ADAMTS17: variants seen among roughly 807,000 people sequenced by gnomAD.
The protein encoded by ADAMTS17 is A disintegrin and metalloproteinase with thrombospondin motifs 17.
In ADAMTS17, 113 loss-of-function variants were observed where a neutral mutation model predicts 141.5. The observed-to-expected ratio is 0.80, with a 90% CI of 0.69 to 0.93. The LOEUF is 0.93. Among genes scored for constraint, ADAMTS17 ranks in the 40% least tolerant of loss-of-function variants. The pLI, the probability that ADAMTS17 is intolerant of heterozygous loss-of-function variation, is 0.00. For synonymous variants in ADAMTS17, 768 were observed against 630.6 expected (o/e 1.22, Z -3.27); for missense variants, 1,659 against 1,517.9 (o/e 1.09, Z -1.54).
chr15:100,056,929 T>G (rs8033828), intron 15 of ADAMTS17, among the ~76,000 whole-genome samples: 1 of 151,834 alleles, frequency 6.6e-6, no homozygotes, highest in Non-Finnish European at 1.5e-5. Context: ...CTCCGGGGCC[T>G]GGGAATGTTG....
In ADAMTS17 at chr15:100,197,475, C is replaced by A. The variant is rs927448679; in HGVS notation, c.1181+1843G>T. Among the ~76,000 whole-genome samples, 4 of 151,290 alleles carry A rather than the reference C, an allele frequency of 2.6e-5. No homozygotes were observed. The South Asian group carries it at 8.3e-4, about 31-fold the overall frequency. On this transcript the variant is annotated intron_variant, in intron 8 of 21. Coordinates refer to ENST00000268070, the MANE Select transcript of ADAMTS17 (RefSeq NM_139057.4). ...ACCCATTCTGATTTATGCTTTTTTT[C>A]CCCAGCAAATCACTCTTGGATACAG...
At position 99,974,109 on chromosome 15, in the gene ADAMTS17, C is replaced by A. The variant is rs886050969; in HGVS notation, c.*293G>T. 4.1e-6 allele frequency: 2 copies of A among 490,656 alleles called. No individual in the cohort carries two copies. Among genetic ancestry groups the A allele is most frequent in the Non-Finnish European group, 7.5e-6 (2 of 267,882 alleles). The allele number at this position is 490,656 out of a possible 1,614,324, so 30.4% of individuals were successfully genotyped here. A position where few individuals can be genotyped will look rare whatever the true frequency, so the allele number is the denominator to read the frequency against. On this transcript the variant is annotated 3_prime_UTR_variant, in exon 22 of 22. Transcript: ENST00000268070. ...CAAGAACACTAAATGATGTCTCTCT[C>A]TTGACGGTTGTCTGCCAGAGGTGCT...
intron 4 of ADAMTS17, among the ~76,000 whole-genome samples, chr15:100,271,297 TTC>T (rs1420390588): frequency 1.1e-4 from 16 of 152,214 alleles, no homozygotes; most frequent in Non-Finnish European, 1.8e-4. Context: ...CATATGGTAA[TTC>T]TGTTTCATTG....
chr15:100,057,491 G>A (rs1016365224), intron 15 of ADAMTS17, among the ~76,000 whole-genome samples: 5 of 152,154 alleles, frequency 3.3e-5, no homozygotes, highest in Non-Finnish European at 5.9e-5. Flanking sequence ...TCCACACCCT[G>A]CCAGTGACAG....
At chr15:100,269,459 AC>A (rs1427145852) in intron 4 of ADAMTS17, among the ~76,000 whole-genome samples, 1 of 152,176 alleles carries the variant, frequency 6.6e-6, no homozygotes, top group Non-Finnish European at 1.5e-5. Context: ...TTTAATTTTT[AC>A]TTTTTTAGGG....
chr15:100,144,776 G>C (rs1380934231), intron 10 of ADAMTS17, among the ~76,000 whole-genome samples: 2 of 148,564 alleles, frequency 1.3e-5, no homozygotes, highest in Non-Finnish European at 1.5e-5. Context: ...ACACACGCGT[G>C]TCGATGAGAA....
At chr15:100,216,169 C>T (rs2041962859) in intron 7 of ADAMTS17, among the ~76,000 whole-genome samples, 1 of 152,186 alleles carries the variant, frequency 6.6e-6, no homozygotes, top group Non-Finnish European at 1.5e-5. Context: ...GAACACCTAC[C>T]TCGTGGAATT....
At chr15:100,117,132 CACCCCCTCTCTGCTGTTACAG>C (rs1487501936) in intron 12 of ADAMTS17, 119 bp from the exon 13 acceptor site, 2 of 1,177,322 alleles carry the variant, frequency 1.7e-6, no homozygotes, top group African/African-American at 3.0e-5. Flanking sequence ...TTTCCAAAGC[CACCCCCTCTCTGCTGTTACAG>C]ACCAAATGCC....
At chr15:100,236,251 GAGGTGCCC>G in intron 7 of ADAMTS17, among the ~76,000 whole-genome samples, 1 of 148,670 alleles carries the variant, frequency 6.7e-6, no homozygotes, top group African/African-American at 2.5e-5. Context: ...TACATTGAGA[GAGGTGCCC>G]TATATTCATG....
chr15:100,219,976 C>T (rs115426296), intron 7 of ADAMTS17, among the ~76,000 whole-genome samples: 106 of 152,250 alleles, frequency 7.0e-4, no homozygotes, highest in African/African-American at 2.4e-3. Context: ...TTTTATGAGG[C>T]GGGTACAATT....
At chr15:100,073,880 G>A (rs1036172898) in intron 15 of ADAMTS17, among the ~76,000 whole-genome samples, 19 of 150,394 alleles carry the variant, frequency 1.3e-4, no homozygotes, top group African/African-American at 3.4e-4. Context: ...AAACCTGCAC[G>A]TTGTGCACAT....
chr15:100,137,332 C>A (rs1159353680), intron 10 of ADAMTS17, among the ~76,000 whole-genome samples: 1 of 152,128 alleles, frequency 6.6e-6, no homozygotes, highest in Non-Finnish European at 1.5e-5. Flanking sequence ...ATATGTACAT[C>A]AATGTCTTTA....
rs569920634 is a variant in ADAMTS17 at position 100,188,647 on chromosome 15, C to A, written c.1181+10671G>T. 1.4e-4 allele frequency among the ~76,000 whole-genome samples: 21 copies of A among 152,352 alleles called. No individual in the cohort carries two copies. The South Asian group carries it at 4.1e-3, about 30-fold the overall frequency. ...CCAGGTTTTATAATGTGTCAAGTCA[C>A]ATGTCTGGACTAGAGTGAGGTCTCT... On this transcript the variant is annotated intron_variant, in intron 8 of 21. Transcript: ENST00000268070.
chr15:100,257,654 C>A (rs1300602523), intron 6 of ADAMTS17, among the ~76,000 whole-genome samples: 2 of 152,342 alleles, frequency 1.3e-5, no homozygotes, highest in African/African-American at 4.8e-5. Flanking sequence ...ATTGCCCATG[C>A]CCCCAGCATC....
At chr15:100,323,510 C>A (rs1403869290) in intron 3 of ADAMTS17, among the ~76,000 whole-genome samples, 2 of 151,888 alleles carry the variant, frequency 1.3e-5, no homozygotes, top group African/African-American at 4.8e-5. Context: ...AAATGAGTAG[C>A]CTTAAATACA....
At chr15:100,293,762 G>A (rs995610624) in intron 3 of ADAMTS17, among the ~76,000 whole-genome samples, 2 of 152,154 alleles carry the variant, frequency 1.3e-5, no homozygotes, top group Non-Finnish European at 1.5e-5. Context: ...TTAACCTTTG[G>A]ACCTATCCCA....
chr15:100,240,163 G>A (rs890813189), intron 7 of ADAMTS17, among the ~76,000 whole-genome samples: 2 of 152,188 alleles, frequency 1.3e-5, no homozygotes, highest in Non-Finnish European at 2.9e-5. Flanking sequence ...CAAGCCTAAG[G>A]CTAGCTCTGG....
At chr15:100,216,548 G>A (rs1259525243) in intron 7 of ADAMTS17, among the ~76,000 whole-genome samples, 6 of 152,192 alleles carry the variant, frequency 3.9e-5, no homozygotes, top group Non-Finnish European at 7.3e-5. Flanking sequence ...GTATTACAAC[G>A]TCTGGAACCG....
At chr15:100,290,423 C>T (rs1160971651) in intron 3 of ADAMTS17, among the ~76,000 whole-genome samples, 1 of 152,114 alleles carries the variant, frequency 6.6e-6, no homozygotes, top group Non-Finnish European at 1.5e-5. Context: ...GTTAAAATAG[C>T]CATAGTGTCC....
Sources: allele counts gnomAD v4.1 joint callset (sites outside exome capture counted in the v4.1 genomes callset), GRCh38; gene constraint gnomAD v4.1.1; transcripts MANE v1.5; gene names NCBI Gene and HGNC (gene_info 2026-07-23, HGNC 2026-07-21).